SARS1: variants seen among roughly 807,000 people sequenced by gnomAD.
SARS1 encodes the protein seryl-tRNA synthetase 1, also known as serine--tRNA ligase, cytoplasmic.
Under a neutral mutation model 63.7 loss-of-function variants are expected in SARS1, and 25 were observed. The observed-to-expected ratio is 0.39, with a 90% CI of 0.29 to 0.55. SARS1 has a LOEUF of 0.55. SARS1 is among the 20% of genes least tolerant of loss of function. The pLI is 0.62. For synonymous variants in SARS1, 231 were observed against 243.5 expected (o/e 0.95, Z 0.48); for missense variants, 417 against 649.7 (o/e 0.64, Z 3.89).
chr1:109,217,972 A>G (rs1022448650), intron 1 of SARS1, among the ~76,000 whole-genome samples: 5 of 151,122 alleles, frequency 3.3e-5, no homozygotes, highest in South Asian at 2.1e-4. Flanking sequence ...CAGGCAGATC[A>G]CAAGGTCAGG....
intron 6 of SARS1, 72 bp downstream of exon 6, chr1:109,231,858 T>C (rs755932334): frequency 5.4e-6 from 7 of 1,292,138 alleles, no homozygotes; most frequent in Non-Finnish European, 7.1e-6. Flanking sequence ...TGCAGAGTGG[T>C]GCTGTCCAAT....
intron 1 of SARS1, chr1:109,215,185 T>C: frequency 4.1e-6 from 4 of 985,474 alleles, no homozygotes; most frequent in Non-Finnish European, 4.8e-6. Flanking sequence ...TTAGGCCCTC[T>C]ATTGTAGTAG....
intron 1 of SARS1, among the ~76,000 whole-genome samples, chr1:109,221,061 CTTT>C (rs1164086091): frequency 7.2e-6 from 1 of 139,102 alleles, no homozygotes. Context: ...CTTTTCTTCT[CTTT>C]TTTTTTTTTT....
chr1:109,221,994 ATATATATATATATATATTTTTTTTTTTT>A (rs1654945206), intron 1 of SARS1, among the ~76,000 whole-genome samples: 11 of 23,528 alleles, frequency 4.7e-4, no homozygotes, highest in Non-Finnish European at 6.3e-4. Context: ...ATATATATAT[ATATATATATATATATATTTTTTTTTTTT>A]TTTTTTTTTT....
At chr1:109,230,812 A>C in intron 4 of SARS1, 66 bp from the exon 5 acceptor site, 2 of 1,470,652 alleles carry the variant, frequency 1.4e-6, no homozygotes, top group South Asian at 2.6e-5. Flanking sequence ...CTCCAAAAAA[A>C]AAAAATAATT....
Position 109,235,120 on chromosome 1 carries a change from C to A in SARS1, c.748-90C>A. The A allele has an allele frequency of 2.9e-6, 3 of 1,033,810 alleles. No individual in the cohort carries two copies. Among genetic ancestry groups the A allele is most frequent in the African/African-American group, 1.6e-5 (1 of 63,670 alleles). The allele number at this position is 1,033,810 out of a possible 1,614,324, so 64.0% of individuals were successfully genotyped here. Reference sequence around the variant, plus strand: ...CAGGGATTAAAGGAAATTTTTCCTGCACTATTATTGATCTCTTTCTTGTGG... The same window carrying A: ...CAGGGATTAAAGGAAATTTTTCCTGAACTATTATTGATCTCTTTCTTGTGG... On this transcript the variant is annotated intron_variant, in intron 6 of 10. Transcript: ENST00000234677. This position sits in a 1 kb window ranked among gnomAD's most constrained non-coding sequence, Gnocchi z 4.7.
At chr1:109,228,461 A>T in intron 3 of SARS1, 29 bp downstream of exon 3, 1 of 1,473,070 alleles carries the variant, frequency 6.8e-7, no homozygotes, top group East Asian at 2.3e-5. Context: ...CTAAGTTAGG[A>T]TCTCTGCTAT....
intron 1 of SARS1, among the ~76,000 whole-genome samples, chr1:109,221,994 A>ATTT: frequency 4.3e-5 from 1 of 23,528 alleles, no homozygotes; most frequent in Non-Finnish European, 6.3e-5. Flanking sequence ...ATATATATAT[A>ATTT]TATATATATA....
intron 6 of SARS1, among the ~76,000 whole-genome samples, chr1:109,233,217 C>T (rs1655242792): frequency 6.6e-6 from 1 of 151,886 alleles, no homozygotes; most frequent in Non-Finnish European, 1.5e-5. Context: ...CACTATGTTG[C>T]CCAAACTGAT....
upstream of SARS1, chr1:109,213,911 C>T: frequency 6.8e-7 from 1 of 1,475,800 alleles, no homozygotes; most frequent in Non-Finnish European, 9.0e-7. Flanking sequence ...CGGGTCAGCG[C>T]GCCGGCGCAG....
intron 2 of SARS1, 44 bp from the exon 3 acceptor site, chr1:109,228,308 A>G (rs751685464): frequency 1.5e-6 from 2 of 1,376,322 alleles, no homozygotes; most frequent in Non-Finnish European, 2.1e-6. Context: ...AATGCCAGAG[A>G]TTTTCTTTTA....
chr1:109,223,297 A>G (rs1363404558), intron 1 of SARS1, among the ~76,000 whole-genome samples: 1 of 152,242 alleles, frequency 6.6e-6, no homozygotes, highest in Non-Finnish European at 1.5e-5. Context: ...TGCACTCTCT[A>G]TAGATTCCTG....
chr1:109,234,302 G>A (rs1030021935), intron 6 of SARS1, among the ~76,000 whole-genome samples: 2 of 152,116 alleles, frequency 1.3e-5, no homozygotes, highest in Non-Finnish European at 2.9e-5. Context: ...GGGATTACAG[G>A]CATGAGCCAC....
intron 1 of SARS1, chr1:109,215,026 G>A (rs1346733792): frequency 1.0e-6 from 1 of 985,492 alleles, no homozygotes; most frequent in Non-Finnish European, 1.2e-6. Flanking sequence ...CCATCTGGGA[G>A]CTAGGTCGAT....
rs761860985 is a variant in SARS1, at chr1:109,230,854, CTCTT to C, written c.448-19_448-16del. On this transcript the variant is annotated intron_variant, in intron 4 of 10. Coordinates refer to ENST00000234677, the MANE Select transcript of SARS1 (RefSeq NM_006513.4). The stretch of plus-strand genomic sequence containing the variant: ...TAATAAAATCATATGTCTTGTATGT[CTCTT>C]TCTTGCTCTGTTTCCTTAGGATGTG... The C allele has an allele frequency of 1.1e-5, 17 of 1,579,742 alleles. No individual in the cohort carries two copies. The highest frequency in any genetic ancestry group is 2.3e-5 in the East Asian group (1 of 42,974).
chr1:109,236,358 T>A (rs1485232343), intron 8 of SARS1, 33 bp from the exon 9 acceptor site: 1 of 1,571,414 alleles, frequency 6.4e-7, no homozygotes, highest in East Asian at 2.3e-5. Context: ...ATACCATCCC[T>A]CCTTCATGAA....
In SARS1 at chr1:109,237,597, T is replaced by C; in HGVS notation, c.1388-134T>C. The C allele has an allele frequency of 8.7e-7, 1 of 1,151,596 alleles. No individual in the cohort carries two copies. Among genetic ancestry groups the C allele is most frequent in the Non-Finnish European group, 1.2e-6 (1 of 809,502 alleles). The allele number at this position is 1,151,596 out of a possible 1,614,324, so 71.3% of individuals were successfully genotyped here. On this transcript the variant is annotated intron_variant, in intron 10 of 10. Transcript: ENST00000234677. This position sits in a 1 kb window ranked among gnomAD's most constrained non-coding sequence, Gnocchi z 4.1. The stretch of plus-strand genomic sequence containing the variant: ...AAATTCAGACTAGGGAAGAAAAGAA[T>C]AAAGGAAACCAGTGCCTATCAAAGG...
chr1:109,227,712 C>A (rs968240782), intron 2 of SARS1, among the ~76,000 whole-genome samples: 2 of 151,392 alleles, frequency 1.3e-5, no homozygotes, highest in East Asian at 1.9e-4. Flanking sequence ...ATCACCCTAT[C>A]CAACAGAGTG....
intron 1 of SARS1, chr1:109,217,030 C>T (rs1417178591): frequency 1.0e-6 from 1 of 985,284 alleles, no homozygotes; most frequent in Admixed American, 6.1e-5. Flanking sequence ...TCAATCTTAA[C>T]CCAGTCTCAC....
Sources: gnomAD v4.1 joint callset for allele counts (sites outside exome capture counted in the v4.1 genomes callset) on GRCh38, gnomAD v4.1.1 for gene constraint, Gnocchi (gnomAD v3.1) non-coding constraint, MANE v1.5 for transcripts, NCBI Gene and HGNC (gene_info 2026-07-23, HGNC 2026-07-21) for gene names.